Variants in ZMAT4 observed in about 807,000 individuals in gnomAD.
The protein encoded by ZMAT4 is zinc finger matrin-type 4.
ZMAT4 carries 17 observed loss-of-function variants against 28.7 expected under a neutral mutation model. The observed-to-expected ratio is 0.59, with a 90% CI of 0.41 to 0.89. The LOEUF (loss-of-function observed/expected upper bound fraction) is 0.89, where lower values mean the gene tolerates loss of function less well. Ranked by LOEUF, ZMAT4 falls within the 40% of genes least tolerant of loss-of-function variation. The pLI, the probability that ZMAT4 is intolerant of heterozygous loss-of-function variation, is 0.00. For synonymous variants in ZMAT4, 117 were observed against 109.2 expected, an observed-to-expected ratio of 1.07 and a Z score of -0.44; for missense variants, 240 against 283.8, an observed-to-expected ratio of 0.85 and a Z score of 1.11.
Position 40,885,697 on chromosome 8 carries a change from A to G in ZMAT4, c.-5+11986T>C, listed in dbSNP as rs559563551. Among the ~76,000 whole-genome samples the G allele has an allele frequency of 5.4e-4, 82 of 152,304 alleles. 2 individuals carry two copies. In the South Asian group the frequency reaches 0.016, roughly 30 times the overall value. ...TCAGCTCAAAAATCCCAGTGGTTCAAGGAAGCACACCCTGTCCTCGCTGCT... is the reference window on the plus strand; with the variant it reads ...TCAGCTCAAAAATCCCAGTGGTTCAGGGAAGCACACCCTGTCCTCGCTGCT... On this transcript the variant is annotated intron_variant, in intron 1 of 6. Coordinates refer to ENST00000297737, the MANE Select transcript of ZMAT4 (RefSeq NM_024645.3).
chr8:40,765,220 G>A (rs978253519), intron 3 of ZMAT4, among the ~76,000 whole-genome samples: 7 of 152,180 alleles, frequency 4.6e-5, no homozygotes, highest in Admixed American at 2.6e-4. Context: ...TCCAGACAAC[G>A]TCTTTATATA....
At chr8:40,863,833 C>A (rs1817584898) in intron 1 of ZMAT4, among the ~76,000 whole-genome samples, 1 of 152,220 alleles carries the variant, frequency 6.6e-6, no homozygotes, top group Admixed American at 6.5e-5. Flanking sequence ...GTAAAGCCAT[C>A]TATCACCACT....
intron 2 of ZMAT4, among the ~76,000 whole-genome samples, chr8:40,790,813 C>G (rs1814295342): frequency 6.6e-6 from 1 of 152,098 alleles, no homozygotes; most frequent in African/African-American, 2.4e-5. Context: ...ATGCAAAGCA[C>G]TTAGAATTGC....
At chr8:40,537,247 C>A (rs900015038) in intron 6 of ZMAT4, among the ~76,000 whole-genome samples, 3 of 151,872 alleles carry the variant, frequency 2.0e-5, no homozygotes, top group East Asian at 3.9e-4. Flanking sequence ...CCATTCAGGA[C>A]GACTGAAAGT....
chr8:40,715,500 T>C (rs112789276), intron 3 of ZMAT4, among the ~76,000 whole-genome samples: 6,101 of 152,244 alleles, frequency 0.04, 401 homozygotes, highest in African/African-American at 0.14. Flanking sequence ...TACATCTGAT[T>C]ATGCAAAATT....
At chr8:40,532,425 C>T (rs978871055) in intron 6 of ZMAT4, among the ~76,000 whole-genome samples, 187 bp from the exon 7 acceptor site, 11 of 151,244 alleles carry the variant, frequency 7.3e-5, no homozygotes, top group African/African-American at 2.7e-4. Flanking sequence ...AAAATATCTC[C>T]ATTACTAATG....
intron 1 of ZMAT4, among the ~76,000 whole-genome samples, chr8:40,841,718 C>G (rs565134142): frequency 2.0e-5 from 3 of 152,082 alleles, no homozygotes; most frequent in Non-Finnish European, 2.9e-5. Flanking sequence ...CACTTTAGCC[C>G]GATAATAATA....
chr8:40,603,712 TC>T (rs1295258963), intron 5 of ZMAT4, among the ~76,000 whole-genome samples: 1 of 152,164 alleles, frequency 6.6e-6, no homozygotes, highest in African/African-American at 2.4e-5. Flanking sequence ...CACTGCTAGC[TC>T]CACCTCCAGA....
chr8:40,777,494 A>G (rs1253469754), intron 2 of ZMAT4, among the ~76,000 whole-genome samples: 4 of 152,196 alleles, frequency 2.6e-5, no homozygotes, highest in African/African-American at 4.8e-5. Flanking sequence ...AGGCAGCCTC[A>G]GCTCTTCCTA....
At chr8:40,540,397 A>G (rs1802992899) in intron 6 of ZMAT4, among the ~76,000 whole-genome samples, 1 of 152,148 alleles carries the variant, frequency 6.6e-6, no homozygotes, top group Non-Finnish European at 1.5e-5. Context: ...TTTTGTGGCC[A>G]TGTGACAAGG....
At chr8:40,560,217 A>G (rs1803689993) in intron 6 of ZMAT4, among the ~76,000 whole-genome samples, 4 of 149,388 alleles carry the variant, frequency 2.7e-5, no homozygotes, top group African/African-American at 9.8e-5. Flanking sequence ...ATATATATAT[A>G]AAATTTGACC....
intron 5 of ZMAT4, among the ~76,000 whole-genome samples, chr8:40,612,413 C>G (rs77339583): frequency 7.3e-6 from 1 of 137,900 alleles, no homozygotes; most frequent in East Asian, 1.9e-4. Context: ...GCACTGGCAA[C>G]CCATCCAAAT....
chr8:40,801,900 A>G (rs9918818), intron 2 of ZMAT4, among the ~76,000 whole-genome samples: 86,411 of 152,016 alleles, frequency 0.57, 24,810 homozygotes, highest in East Asian at 0.66. Context: ...TGAGATTTGA[A>G]GTATGCTAGA....
At chr8:40,885,535 A>G (rs1399643184) in intron 1 of ZMAT4, among the ~76,000 whole-genome samples, 3 of 152,182 alleles carry the variant, frequency 2.0e-5, no homozygotes, top group African/African-American at 7.2e-5. Flanking sequence ...TTATTCATGT[A>G]TTTATTTTAA....
chr8:40,827,997 G>T (rs1447728555), intron 1 of ZMAT4, among the ~76,000 whole-genome samples: 1 of 152,090 alleles, frequency 6.6e-6, no homozygotes. Flanking sequence ...CTACTTCCAA[G>T]TCCTACCCAG....
chr8:40,586,130 A>G (rs1343049157), intron 5 of ZMAT4, among the ~76,000 whole-genome samples: 1 of 152,202 alleles, frequency 6.6e-6, no homozygotes, highest in East Asian at 1.9e-4. Flanking sequence ...GAGAAGGGGC[A>G]GAGGAGTCCT....
At chr8:40,694,238 T>C (rs535542750) in intron 4 of ZMAT4, among the ~76,000 whole-genome samples, 1 of 152,306 alleles carries the variant, frequency 6.6e-6, no homozygotes, top group South Asian at 2.1e-4. Flanking sequence ...CCGGACTCCA[T>C]TCAGGGAGCT....
intron 3 of ZMAT4, among the ~76,000 whole-genome samples, chr8:40,762,049 C>T (rs758723953): frequency 5.9e-5 from 9 of 152,152 alleles, no homozygotes; most frequent in African/African-American, 1.9e-4. Flanking sequence ...TGTTGGTAAA[C>T]GCATCTGTCT....
intron 1 of ZMAT4, among the ~76,000 whole-genome samples, chr8:40,896,752 A>G (rs1818891709): frequency 6.6e-6 from 1 of 152,132 alleles, no homozygotes; most frequent in African/African-American, 2.4e-5. Context: ...CTTCAAGAGC[A>G]GTTAGCAGAA....
Sources: allele counts gnomAD v4.1 joint callset (sites outside exome capture counted in the v4.1 genomes callset), GRCh38; gene constraint gnomAD v4.1.1; transcripts MANE v1.5; gene names NCBI Gene and HGNC (gene_info 2026-07-23, HGNC 2026-07-21).